ENTHD1: variants seen among roughly 807,000 people sequenced by gnomAD.
The protein encoded by ENTHD1 is ENTH domain-containing protein 1.
Under a neutral mutation model 39.1 loss-of-function variants are expected in ENTHD1, and 23 were observed. The observed-to-expected ratio is 0.59, with a 90% CI of 0.42 to 0.83. The LOEUF (loss-of-function observed/expected upper bound fraction) is 0.83, where lower values mean the gene tolerates loss of function less well. ENTHD1 is among the 40% of genes least tolerant of loss of function. The pLI, the probability that ENTHD1 is intolerant of heterozygous loss-of-function variation, is 0.00. For missense variants in ENTHD1, 624 were observed against 705.4 expected (o/e 0.88, Z 1.31); for synonymous variants, 230 against 258.2 (o/e 0.89, Z 1.05).
chr22:39,882,695 T>C (rs1350401803), intron 2 of ENTHD1, among the ~76,000 whole-genome samples: 4 of 152,054 alleles, frequency 2.6e-5, no homozygotes, highest in African/African-American at 4.8e-5. Context: ...TTCTAGTATA[T>C]CACATTCATT....
chr22:39,766,661 G>A (rs1377397776), intron 5 of ENTHD1, among the ~76,000 whole-genome samples: 1 of 152,142 alleles, frequency 6.6e-6, no homozygotes, highest in Non-Finnish European at 1.5e-5. Flanking sequence ...CACAATGTAT[G>A]TCATAAAATA....
intron 3 of ENTHD1, among the ~76,000 whole-genome samples, chr22:39,851,716 A>C (rs1367720961): frequency 3.9e-5 from 6 of 152,234 alleles, no homozygotes; most frequent in African/African-American, 1.4e-4. Flanking sequence ...CTCTTAAGCA[A>C]CTCAACCCCT....
chr22:39,880,543 T>A (rs993088902), intron 2 of ENTHD1, among the ~76,000 whole-genome samples: 1 of 152,198 alleles, frequency 6.6e-6, no homozygotes, highest in South Asian at 2.1e-4. Flanking sequence ...TGGTTGGGGA[T>A]GTTTATAATG....
At chr22:39,829,230 C>T (rs189889784) in intron 4 of ENTHD1, among the ~76,000 whole-genome samples, 20 of 152,182 alleles carry the variant, frequency 1.3e-4, no homozygotes, top group Admixed American at 7.8e-4. Flanking sequence ...TACAGTGATG[C>T]TTTGAAAAAG....
intron 6 of ENTHD1, among the ~76,000 whole-genome samples, 184 bp downstream of exon 6, chr22:39,765,039 A>C (rs1212219504): frequency 6.6e-6 from 1 of 152,196 alleles, no homozygotes; most frequent in African/African-American, 2.4e-5. Flanking sequence ...CTTTAATAAA[A>C]GGGGGACTTT....
chr22:39,809,901 T>C (rs1266256843), intron 5 of ENTHD1, among the ~76,000 whole-genome samples: 1 of 152,094 alleles, frequency 6.6e-6, no homozygotes, highest in Non-Finnish European at 1.5e-5. Context: ...CATTTTCTGT[T>C]TTTTGTTTTT....
intron 5 of ENTHD1, among the ~76,000 whole-genome samples, chr22:39,801,332 ATTG>A (rs1207583692): frequency 6.6e-6 from 1 of 152,186 alleles, no homozygotes; most frequent in Non-Finnish European, 1.5e-5. Context: ...AAGATTTGTA[ATTG>A]CTGTAGTCCT....
chr22:39,891,599 G>A (rs2146788049), intron 1 of ENTHD1, among the ~76,000 whole-genome samples: 1 of 150,684 alleles, frequency 6.6e-6, no homozygotes. Flanking sequence ...ATACCACCAA[G>A]CCTAACTAAT....
intron 6 of ENTHD1, among the ~76,000 whole-genome samples, chr22:39,761,282 T>G (rs1337364574): frequency 6.6e-6 from 1 of 152,206 alleles, no homozygotes; most frequent in Non-Finnish European, 1.5e-5. Context: ...TATACACTGC[T>G]TATGATGAAA....
rs140260461 is a variant in ENTHD1 at position 39,751,260 on chromosome 22, A to G, written c.1220-6977T>C. 6.9e-3 allele frequency: 1,067 copies of G among 154,456 alleles called. 6 individuals are homozygous for G. The highest frequency in any genetic ancestry group is 0.012 in the Non-Finnish European group (824 of 68,406). The allele number at this position is 154,456 out of a possible 1,614,324, so 9.6% of individuals were successfully genotyped here. On this transcript the variant is annotated intron_variant, in intron 6 of 6. Transcript: ENST00000325157. ...GAACTAAGGAAGAACTGATAAGCAC[A>G]AAGGCTGTTGACCAAGGTATCAGCA...
At position 39,793,045 on chromosome 22, in the gene ENTHD1, C is replaced by T. The variant is rs189943832; in HGVS notation, c.833-27436G>A. 1.2e-3 allele frequency among the ~76,000 whole-genome samples: 188 copies of T among 152,184 alleles called. 1 individual carries two copies. The highest frequency in any genetic ancestry group is 2.2e-4 in the Non-Finnish European group (15 of 68,010). Reference sequence around the variant, plus strand: ...TAATGGCTGTACTAATTTACATTTCCACCAATAGTATATGAGGATTCCCCT... The same window carrying T: ...TAATGGCTGTACTAATTTACATTTCTACCAATAGTATATGAGGATTCCCCT... On this transcript the variant is annotated intron_variant, in intron 5 of 6. Transcript: ENST00000325157.
At chr22:39,847,678 G>A (rs1423651427) in intron 3 of ENTHD1, among the ~76,000 whole-genome samples, 1 of 151,964 alleles carries the variant, frequency 6.6e-6, no homozygotes, top group African/African-American at 2.4e-5. Flanking sequence ...TGAGTCACCT[G>A]TAAAGGCATG....
At chr22:39,826,020 C>T (rs1407372950) in intron 4 of ENTHD1, among the ~76,000 whole-genome samples, 2 of 152,144 alleles carry the variant, frequency 1.3e-5, no homozygotes, top group Admixed American at 6.6e-5. Context: ...GGACTATAGG[C>T]GCACACCACC....
intron 5 of ENTHD1, among the ~76,000 whole-genome samples, chr22:39,788,291 A>G (rs533340923): frequency 2.0e-5 from 3 of 152,326 alleles, no homozygotes; most frequent in East Asian, 3.9e-4. Context: ...CAAATTATCA[A>G]TATTAACAGG....
chr22:39,840,718 C>G (rs540853394), intron 3 of ENTHD1, among the ~76,000 whole-genome samples: 1 of 152,012 alleles, frequency 6.6e-6, no homozygotes, highest in Non-Finnish European at 1.5e-5. Flanking sequence ...GAATTTGGAA[C>G]CTTGACTCCA....
chr22:39,754,543 A>G (rs563745826), intron 6 of ENTHD1, among the ~76,000 whole-genome samples: 1 of 152,386 alleles, frequency 6.6e-6, no homozygotes, highest in Admixed American at 6.5e-5. Flanking sequence ...TGTGTGGCAC[A>G]CAAAGGCTCA....
intron 2 of ENTHD1, among the ~76,000 whole-genome samples, chr22:39,885,748 TTC>T (rs2066374295): frequency 6.6e-6 from 1 of 152,214 alleles, no homozygotes; most frequent in Non-Finnish European, 1.5e-5. Context: ...TACTGTATGA[TTC>T]CACTTATAAG....
At chr22:39,844,550 C>A (rs1371005240) in intron 3 of ENTHD1, among the ~76,000 whole-genome samples, 3 of 152,082 alleles carry the variant, frequency 2.0e-5, no homozygotes, top group Non-Finnish European at 4.4e-5. Context: ...TTCCCATCAC[C>A]CAGTACGCAA....
At chr22:39,870,857 G>C (rs2066236519) in intron 2 of ENTHD1, among the ~76,000 whole-genome samples, 1 of 152,140 alleles carries the variant, frequency 6.6e-6, no homozygotes, top group Admixed American at 6.5e-5. Flanking sequence ...GGGACAAGTA[G>C]AGGGTGACCA....
Sources: gnomAD v4.1 joint callset for allele counts (sites outside exome capture counted in the v4.1 genomes callset) on GRCh38, gnomAD v4.1.1 for gene constraint, MANE v1.5 for transcripts, NCBI Gene and HGNC (gene_info 2026-07-23, HGNC 2026-07-21) for gene names.